The following MFSD6 variants were observed in gnomAD, a reference collection of about 807,000 sequenced individuals.
MFSD6 encodes the protein major facilitator superfamily domain-containing protein 6.
A neutral mutation model predicts 56.3 loss-of-function variants in MFSD6; 26 were observed. That is an observed-to-expected ratio of 0.46 (90% confidence interval 0.34 to 0.64). MFSD6 has a LOEUF of 0.64. MFSD6 is among the 30% of genes least tolerant of loss of function. The pLI is 0.01. For synonymous variants in MFSD6, 331 were observed against 366.9 expected (o/e 0.90, Z 1.12); for missense variants, 750 against 986.2 (o/e 0.76, Z 3.21).
intron 2 of MFSD6, among the ~76,000 whole-genome samples, chr2:190,430,540 A>G (rs1449059184): frequency 6.6e-6 from 1 of 152,060 alleles, no homozygotes; most frequent in Non-Finnish European, 1.5e-5. Context: ...ACAGATCAAC[A>G]GGATCCCAAG....
At position 190,471,857 on chromosome 2, in the gene MFSD6, T is replaced by A. The variant is rs1687957199; in HGVS notation, c.1630+2002T>A. ...GCACCCCCCAGTAGGGGCAGACTGA[T>A]AACTCATACGGCCGGGTACCCCTCT... On this transcript the variant is annotated intron_variant, in intron 4 of 7. Coordinates refer to ENST00000392328, the MANE Select transcript of MFSD6 (RefSeq NM_017694.4). The surrounding 1 kb of genome is among the most constrained non-coding windows in gnomAD (Gnocchi z 4.7). Among the ~76,000 whole-genome samples the A allele has an allele frequency of 1.3e-5, 2 of 152,152 alleles. No individual in the cohort carries two copies. The highest frequency in any genetic ancestry group is 4.8e-5 in the African/African-American group (2 of 41,440).
At chr2:190,408,634 G>A (rs1452209419) in intron 1 of MFSD6, 131 bp downstream of exon 1, 1 of 152,274 alleles carries the variant, frequency 6.6e-6, no homozygotes, top group Non-Finnish European at 1.5e-5. Flanking sequence ...AGGGGCTTCG[G>A]GGCCGGGGCT....
In MFSD6 at chr2:190,499,106, C is replaced by T. The variant is rs746992661; in HGVS notation, c.2173-909C>T. Among the ~76,000 whole-genome samples the T allele has an allele frequency of 1.1e-4, 17 of 152,112 alleles. No individual in the cohort carries two copies. The highest frequency in any genetic ancestry group is 2.1e-4 in the Non-Finnish European group (14 of 68,024). On this transcript the variant is annotated intron_variant, in intron 7 of 7. Coordinates refer to ENST00000392328, the MANE Select transcript of MFSD6 (RefSeq NM_017694.4). This position sits in a 1 kb window ranked among gnomAD's most constrained non-coding sequence, Gnocchi z 6.0. ...GAGGTTGCAGTGAGCCAAGGTCACG[C>T]CACTGCACTCCGGCCTAGGCGACAG...
chr2:190,437,087 T>A lies in MFSD6; in HGVS notation c.1058T>A (p.Val353Glu). The A allele has an allele frequency of 6.2e-7, 1 of 1,614,228 alleles. No homozygotes were observed. Among genetic ancestry groups the A allele is most frequent in the Non-Finnish European group, 8.5e-7 (1 of 1,180,034 alleles). ...GIGIDYTHIE[V>E]LIDGKGCKPP... is the part of the protein sequence containing the mutation. ...GGGATCGACTACACCCACATCGAAGTGCTCATCGATGGAAAGGGGTGTAAG... is the reference window on the plus strand; with the variant it reads ...GGGATCGACTACACCCACATCGAAGAGCTCATCGATGGAAAGGGGTGTAAG... Residue 353 changes from valine to glutamate, a missense_variant, in exon 3 of 8, where the codon GTG (valine) becomes GAG (glutamate). This residue lies in a region of MFSD6 where 376 missense variants were observed against 437.9 expected (regional missense o/e 0.86). Coordinates refer to ENST00000392328, the MANE Select transcript of MFSD6 (RefSeq NM_017694.4). This position sits in a 1 kb window ranked among gnomAD's most constrained non-coding sequence, Gnocchi z 5.9.
rs1688959786 is a variant in MFSD6, at chr2:190,485,505, G to A, written c.1631-3152G>A. On this transcript the variant is annotated intron_variant, in intron 4 of 7. Coordinates refer to ENST00000392328, the MANE Select transcript of MFSD6 (RefSeq NM_017694.4). The surrounding 1 kb of genome is among the most constrained non-coding windows in gnomAD (Gnocchi z 5.1). ...TTTTGAATAAATTAATTTATTTCTT[G>A]GAATATTTTTGAGTTTTTCCCCCAG... Among the ~76,000 whole-genome samples the A allele has an allele frequency of 6.6e-6, 1 of 151,824 alleles. No homozygotes were observed. The highest frequency in any genetic ancestry group is 1.5e-5 in the Non-Finnish European group (1 of 67,924).
Position 190,489,753 on chromosome 2 carries a change from T to G in MFSD6, c.1793-15T>G, listed in dbSNP as rs761483482. On this transcript the variant is annotated splice_polypyrimidine_tract_variant and intron_variant, in intron 5 of 7. Transcript: ENST00000392328. This position sits in a 1 kb window ranked among gnomAD's most constrained non-coding sequence, Gnocchi z 6.6. ...TTCTTGGAATTACTCTATAGAGTGC[T>G]GTTTGTTTTTATAGGGGCTGCTGCA... is the stretch of plus-strand genomic sequence containing the variant. 1 of 1,610,320 alleles carries G rather than the reference T, an allele frequency of 6.2e-7. No individual in the cohort carries two copies. Among genetic ancestry groups the G allele is most frequent in the Non-Finnish European group, 8.5e-7 (1 of 1,176,866 alleles).
rs1688894280 is a variant in MFSD6 at position 190,484,452 on chromosome 2, CTACTT to C, written c.1631-4201_1631-4197del. ...TAGTTTATAATATCTTTTGTCCCCT[CTACTT>C]TACAGGAATGTCGTTTTCGGTAGCA... On this transcript the variant is annotated intron_variant, in intron 4 of 7. Transcript: ENST00000392328. Among the ~76,000 whole-genome samples, 15 of 152,318 alleles carry C rather than the reference CTACTT, an allele frequency of 9.8e-5. No homozygotes were observed. The South Asian group carries it at 3.1e-3, about 32-fold the overall frequency.
chr2:190,438,313 C>T lies in MFSD6; in HGVS notation c.1532+752C>T, dbSNP rs191178117. ...GGTGGATCACTTGAGGTCAGGAGTT[C>T]GAGACCAGCCTGGCCAACATGGTGA... On this transcript the variant is annotated intron_variant, in intron 3 of 7. Transcript: ENST00000392328. This position sits in a 1 kb window ranked among gnomAD's most constrained non-coding sequence, Gnocchi z 5.2. Among the ~76,000 whole-genome samples the T allele has an allele frequency of 4.0e-3, 603 of 152,090 alleles. 4 individuals are homozygous for T. The highest frequency in any genetic ancestry group is 0.014 in the African/African-American group (584 of 41,492).
Position 190,494,446 on chromosome 2 carries a change from T to C in MFSD6, c.1892-2993T>C, listed in dbSNP as rs892700740. 1.1e-4 allele frequency among the ~76,000 whole-genome samples: 16 copies of C among 152,212 alleles called. No individual in the cohort carries two copies. The East Asian group carries it at 2.3e-3, about 22-fold the overall frequency. The stretch of plus-strand genomic sequence containing the variant: ...CAAAGAAGAATTGGTACCAATCCTA[T>C]TGACACTATTCCACAAGATAGAGAA... On this transcript the variant is annotated intron_variant, in intron 6 of 7. Transcript: ENST00000392328. The surrounding 1 kb of genome is among the most constrained non-coding windows in gnomAD (Gnocchi z 5.7).
intron 3 of MFSD6, among the ~76,000 whole-genome samples, chr2:190,450,488 CTTTTTT>C (rs10665730): frequency 1.0e-5 from 1 of 97,254 alleles, no homozygotes; most frequent in Non-Finnish European, 1.9e-5. Flanking sequence ...TCTCTTTTTC[CTTTTTT>C]TTTTTTTTTT....
Position 190,463,783 on chromosome 2 carries a change from G to A in MFSD6, c.1533-5975G>A. ...TGCATTGAGCTGTGATGACGCTACT[G>A]CACTCCAGCCTGGGTAACAGAGCAA... On this transcript the variant is annotated intron_variant, in intron 3 of 7. Transcript: ENST00000392328. The surrounding 1 kb of genome is among the most constrained non-coding windows in gnomAD (Gnocchi z 4.4). 1 of 721,788 alleles carries A rather than the reference G, an allele frequency of 1.4e-6. No individual in the cohort carries two copies. Among genetic ancestry groups the A allele is most frequent in the Non-Finnish European group, 1.7e-6 (1 of 589,328 alleles). The allele number at this position is 721,788 out of a possible 1,614,324, so 44.7% of individuals were successfully genotyped here.
chr2:190,500,534 TAC>T lies in MFSD6; in HGVS notation c.*319_*320del, dbSNP rs1461260989. On this transcript the variant is annotated 3_prime_UTR_variant, in exon 8 of 8. Transcript: ENST00000392328. The surrounding 1 kb of genome is among the most constrained non-coding windows in gnomAD (Gnocchi z 5.3). ...TGCAGTAAGAGTTGAAACCGGCAGT[TAC>T]ACTAAGTAAGTGGAGGGAATGAAAG... 3.7e-5 allele frequency: 11 copies of T among 295,714 alleles called. No homozygotes were observed. The highest frequency in any genetic ancestry group is 6.4e-5 in the Non-Finnish European group (10 of 157,002). 18.3% of individuals were successfully genotyped at this position (295,714 alleles called of 1,614,324 possible).
Position 190,491,120 on chromosome 2 carries a change from A to C in MFSD6, c.1891+1254A>C, listed in dbSNP as rs1689323780. 6.6e-6 allele frequency among the ~76,000 whole-genome samples: 1 copy of C among 152,240 alleles called. No individual in the cohort carries two copies. The highest frequency in any genetic ancestry group is 1.5e-5 in the Non-Finnish European group (1 of 68,050). ...ATTAATCACAAAAAAATTTAAAATC[A>C]TTAATTAAACATTCAATGTAAGAAA... On this transcript the variant is annotated intron_variant, in intron 6 of 7. Coordinates refer to ENST00000392328, the MANE Select transcript of MFSD6 (RefSeq NM_017694.4). The surrounding 1 kb of genome is among the most constrained non-coding windows in gnomAD (Gnocchi z 4.2).
rs1690844537 is a variant in MFSD6 at position 190,417,887 on chromosome 2, T to C, written c.-54+2474T>C. ...AGAAGCATGCCTATTGTCCCTAATA[T>C]CTTTTAGTTAATAAATTATATAGGG... is the stretch of plus-strand genomic sequence containing the variant. On this transcript the variant is annotated intron_variant, in intron 2 of 7. Transcript: ENST00000392328. This position sits in a 1 kb window ranked among gnomAD's most constrained non-coding sequence, Gnocchi z 5.7. Among the ~76,000 whole-genome samples, 2 of 152,126 alleles carry C rather than the reference T, an allele frequency of 1.3e-5. No individual in the cohort carries two copies. Among genetic ancestry groups the C allele is most frequent in the South Asian group, 2.1e-4 (1 of 4,826 alleles).
rs1053412602 is a variant in MFSD6 at position 190,501,256 on chromosome 2, T to C, written c.*1038T>C. 1.3e-5 allele frequency: 2 copies of C among 152,096 alleles called. No individual in the cohort carries two copies. The highest frequency in any genetic ancestry group is 2.9e-5 in the Non-Finnish European group (2 of 68,018). 9.4% of individuals were successfully genotyped at this position (152,096 alleles called of 1,614,324 possible). A position where few individuals can be genotyped will look rare whatever the true frequency, so the allele number is the denominator to read the frequency against. Reference sequence around the variant, plus strand: ...TTTGTTTTTGGTGAGGAAAAGGTGGTAAATAGGAAACCATGAATGGGAAGG... The same window carrying C: ...TTTGTTTTTGGTGAGGAAAAGGTGGCAAATAGGAAACCATGAATGGGAAGG... On this transcript the variant is annotated 3_prime_UTR_variant, in exon 8 of 8. Transcript: ENST00000392328.
intron 6 of MFSD6, among the ~76,000 whole-genome samples, chr2:190,493,724 C>A (rs1689500880): frequency 6.6e-6 from 1 of 152,124 alleles, no homozygotes; most frequent in South Asian, 2.1e-4. Context: ...AAGGAACCTT[C>A]AAAACCATGC....
chr2:190,469,747 T>TTTTTTA lies in MFSD6; in HGVS notation c.1533-6_1533-5insATTTTT, dbSNP rs772420895. ...TTTTTTATTTTATTTTTATTTTTTA[T>TTTTTTA]TTTTTTTTAGGGTTCTGTACATTGG... On this transcript the variant is annotated splice_polypyrimidine_tract_variant and intron_variant, in intron 3 of 7. Transcript: ENST00000392328. This position sits in a 1 kb window ranked among gnomAD's most constrained non-coding sequence, Gnocchi z 5.3. The TTTTTTA allele has an allele frequency of 4.1e-4, 551 of 1,355,590 alleles. No homozygotes were observed. The highest frequency in any genetic ancestry group is 9.5e-4 in the South Asian group (55 of 57,628). 84.0% of individuals were successfully genotyped at this position (1,355,590 alleles called of 1,614,324 possible).
intron 4 of MFSD6, among the ~76,000 whole-genome samples, chr2:190,470,966 G>A (rs757214658): frequency 6.6e-6 from 1 of 152,002 alleles, no homozygotes; most frequent in African/African-American, 2.4e-5. Context: ...GCTAGTAAAA[G>A]GAGATTCTGT....
At chr2:190,442,600 G>A (rs1345398108) in intron 3 of MFSD6, 2 of 152,126 alleles carry the variant, frequency 1.3e-5, no homozygotes, top group African/African-American at 4.8e-5. Context: ...TTGAGGGAAG[G>A]AATAGATCTG....
Sources: allele counts gnomAD v4.1 joint callset (sites outside exome capture counted in the v4.1 genomes callset), GRCh38; gene constraint gnomAD v4.1.1; regional missense constraint gnomAD v4.1.1; non-coding constraint Gnocchi (gnomAD v3.1); transcripts MANE v1.5; gene names NCBI Gene and HGNC (gene_info 2026-07-23, HGNC 2026-07-21).